The following DYM variants were observed in gnomAD, a reference collection of about 807,000 sequenced individuals.
DYM encodes dyggve-Melchior-Clausen syndrome protein.
DYM carries 78 observed loss-of-function variants against 93.1 expected under a neutral mutation model. That is an observed-to-expected ratio of 0.84 (90% CI 0.70 to 1.01). The LOEUF is 1.01. Ranked by LOEUF, DYM falls within the 50% of genes least tolerant of loss-of-function variation. The probability of loss-of-function intolerance (pLI) is 0.00; values close to 1 mark genes in which losing one functional copy is unlikely to be tolerated. For synonymous variants in DYM, 321 were observed against 319.7 expected, an observed-to-expected ratio of 1.00 and a Z score of -0.04; for missense variants, 789 against 845.0, an observed-to-expected ratio of 0.93 and a Z score of 0.82.
At chr18:49,117,996 C>CTTTTT (rs35936099) in intron 16 of DYM, among the ~76,000 whole-genome samples, 704 of 53,196 alleles carry the variant, frequency 0.013, 2 homozygotes, top group African/African-American at 0.017. Context: ...TGTGCCCAGC[C>CTTTTT]TTTTTTTTTT....
At chr18:49,208,522 G>C (rs1428535239) in intron 14 of DYM, 1 of 152,164 alleles carries the variant, frequency 6.6e-6, no homozygotes, top group Admixed American at 6.5e-5. Flanking sequence ...ATCATCACGA[G>C]TCTATAAAAT....
chr18:49,327,585 G>A (rs1331768006), intron 8 of DYM, among the ~76,000 whole-genome samples: 3 of 152,012 alleles, frequency 2.0e-5, no homozygotes, highest in African/African-American at 7.2e-5. Context: ...TCAAACTCCT[G>A]AGCTCAAGCG....
intron 16 of DYM, among the ~76,000 whole-genome samples, chr18:49,111,908 C>T (rs1244855081): frequency 1.3e-5 from 2 of 152,170 alleles, no homozygotes; most frequent in Non-Finnish European, 1.5e-5. Context: ...CCCTTTCTTC[C>T]GATGGCAGCC....
intron 14 of DYM, among the ~76,000 whole-genome samples, chr18:49,202,482 C>G (rs1260979480): frequency 7.2e-6 from 1 of 138,296 alleles, no homozygotes; most frequent in Non-Finnish European, 1.6e-5. Context: ...AGCCCCTCTG[C>G]CTGGCTGCCC....
intron 2 of DYM, among the ~76,000 whole-genome samples, chr18:49,418,803 C>T (rs977511993): frequency 2.6e-5 from 4 of 152,150 alleles, no homozygotes; most frequent in Non-Finnish European, 4.4e-5. Flanking sequence ...CCTGCTACCT[C>T]AAAGCCTACT....
At chr18:49,079,892 C>A (rs541905228) in intron 17 of DYM, among the ~76,000 whole-genome samples, 1 of 151,606 alleles carries the variant, frequency 6.6e-6, no homozygotes, top group Non-Finnish European at 1.5e-5. Context: ...CCATTGTCAT[C>A]CCGGCCCGTT....
At chr18:49,059,195 C>A (rs2075747982) in intron 17 of DYM, among the ~76,000 whole-genome samples, 1 of 152,206 alleles carries the variant, frequency 6.6e-6, no homozygotes, top group Non-Finnish European at 1.5e-5. Context: ...CTAGTCCCGT[C>A]CACCATGTAA....
At chr18:49,404,239 C>T (rs1199626350) in intron 2 of DYM, among the ~76,000 whole-genome samples, 2 of 152,110 alleles carry the variant, frequency 1.3e-5, no homozygotes, top group Non-Finnish European at 2.9e-5. Flanking sequence ...AACTCCTGAC[C>T]TCAAGTGATC....
chr18:49,334,009 G>A (rs1317564932), intron 6 of DYM, among the ~76,000 whole-genome samples, 156 bp from the exon 7 acceptor site: 1 of 152,148 alleles, frequency 6.6e-6, no homozygotes, highest in East Asian at 1.9e-4. Context: ...ATTAAGTCAA[G>A]CAAAAATATT....
chr18:49,352,276 T>A (rs923995804), intron 6 of DYM, among the ~76,000 whole-genome samples: 1 of 152,216 alleles, frequency 6.6e-6, no homozygotes, highest in Non-Finnish European at 1.5e-5. Flanking sequence ...AATGTTCCGG[T>A]ATTAGATAAT....
chr18:49,172,886 C>A (rs976109662), intron 14 of DYM, among the ~76,000 whole-genome samples: 1 of 151,940 alleles, frequency 6.6e-6, no homozygotes, highest in Non-Finnish European at 1.5e-5. Context: ...TCTATGATTT[C>A]TTCTATAGTT....
At chr18:49,275,415 T>G (rs2094825761) in intron 10 of DYM, among the ~76,000 whole-genome samples, 1 of 152,178 alleles carries the variant, frequency 6.6e-6, no homozygotes, top group Non-Finnish European at 1.5e-5. Context: ...GTCCTCCAAA[T>G]TTGTTCTTTT....
intron 2 of DYM, among the ~76,000 whole-genome samples, chr18:49,423,204 A>C (rs1317894270): frequency 1.3e-5 from 2 of 152,244 alleles, no homozygotes; most frequent in Non-Finnish European, 2.9e-5. Context: ...CTCTCAGACC[A>C]CAGTGCAACC....
chr18:49,302,195 T>C (rs2060979534), intron 8 of DYM, among the ~76,000 whole-genome samples: 1 of 152,194 alleles, frequency 6.6e-6, no homozygotes, highest in Admixed American at 6.5e-5. Flanking sequence ...AGAAAACTGC[T>C]CTTCTATCCA....
intron 2 of DYM, among the ~76,000 whole-genome samples, chr18:49,405,957 A>G (rs1020714665): frequency 6.6e-6 from 1 of 152,144 alleles, no homozygotes; most frequent in Admixed American, 6.5e-5. Context: ...GGGCAAATGT[A>G]TTCCTAGGTA....
intron 15 of DYM, among the ~76,000 whole-genome samples, chr18:49,141,190 T>A (rs377511532): frequency 1.3e-5 from 2 of 152,176 alleles, no homozygotes; most frequent in South Asian, 2.1e-4. Flanking sequence ...TATGTTTCCA[T>A]CTGCAGCCTA....
At chr18:49,081,601 C>T (rs972316311) in intron 17 of DYM, among the ~76,000 whole-genome samples, 1 of 151,866 alleles carries the variant, frequency 6.6e-6, no homozygotes, top group Non-Finnish European at 1.5e-5. Context: ...TGGGCTAGAA[C>T]TGAAAACTCT....
At chr18:49,102,320 G>A (rs530377874) in intron 16 of DYM, among the ~76,000 whole-genome samples, 3 of 152,228 alleles carry the variant, frequency 2.0e-5, no homozygotes, top group Admixed American at 6.5e-5. Flanking sequence ...TTTCATTTAT[G>A]TTCACCTTAA....
intron 11 of DYM, among the ~76,000 whole-genome samples, chr18:49,268,662 T>C (rs1330784912): frequency 1.3e-5 from 2 of 152,222 alleles, no homozygotes; most frequent in African/African-American, 4.8e-5. Flanking sequence ...TTGTTATTGC[T>C]GCTGCTGAAG....
Sources: allele counts gnomAD v4.1 joint callset (sites outside exome capture counted in the v4.1 genomes callset), GRCh38; gene constraint gnomAD v4.1.1; transcripts MANE v1.5; gene names NCBI Gene and HGNC (gene_info 2026-07-23, HGNC 2026-07-21).